Variants in CCDC88A observed in about 807,000 individuals in gnomAD.
The protein encoded by CCDC88A is girdin.
In CCDC88A, 54 loss-of-function variants were observed where a neutral mutation model predicts 234.3. The ratio of observed to expected loss-of-function variants is 0.23; its 90% CI spans 0.19 to 0.29. The LOEUF (loss-of-function observed/expected upper bound fraction) is 0.29, where lower values mean the gene tolerates loss of function less well. CCDC88A is among the 10% of genes least tolerant of loss of function. The probability of loss-of-function intolerance (pLI) is 1.00; values close to 1 mark genes in which losing one functional copy is unlikely to be tolerated. For synonymous variants in CCDC88A, 753 were observed against 737.8 expected, an observed-to-expected ratio of 1.02 and a Z score of -0.33; for missense variants, 1,832 against 2,123.4, an observed-to-expected ratio of 0.86 and a Z score of 2.70.
At chr2:55,413,941 G>A in intron 2 of CCDC88A, among the ~76,000 whole-genome samples, 1 of 146,110 alleles carries the variant, frequency 6.8e-6, no homozygotes. Context: ...AACAGAACAA[G>A]ACCGTCTCAA....
At chr2:55,398,776 G>A (rs1021120390) in intron 2 of CCDC88A, among the ~76,000 whole-genome samples, 10 of 151,980 alleles carry the variant, frequency 6.6e-5, no homozygotes, top group Non-Finnish European at 1.5e-4. Context: ...GAGGCAGGAA[G>A]ATTGCTTGAG....
intron 10 of CCDC88A, among the ~76,000 whole-genome samples, chr2:55,344,748 C>T (rs948938703): frequency 6.6e-5 from 10 of 152,034 alleles, no homozygotes; most frequent in African/African-American, 9.7e-5. Flanking sequence ...ATTAAATTGT[C>T]GGGGTATATT....
At chr2:55,291,833 G>A in intron 31 of CCDC88A, 58 bp from the exon 32 acceptor site, 1 of 1,351,698 alleles carries the variant, frequency 7.4e-7, no homozygotes, top group South Asian at 1.2e-5. Context: ...ATACAATTCA[G>A]AAGATAAGAA....
At chr2:55,392,749 C>T (rs1159260099) in intron 2 of CCDC88A, among the ~76,000 whole-genome samples, 1 of 152,172 alleles carries the variant, frequency 6.6e-6, no homozygotes, top group Non-Finnish European at 1.5e-5. Context: ...TGTAGCTTTT[C>T]CATACTGATA....
chr2:55,384,696 G>A (rs1299117543), intron 3 of CCDC88A, among the ~76,000 whole-genome samples: 7 of 144,500 alleles, frequency 4.8e-5, no homozygotes, highest in Admixed American at 2.1e-4. Context: ...TCGCTCTGTC[G>A]CCCAGGCTGG....
At position 55,343,320 on chromosome 2, in the gene CCDC88A, G is replaced by A. The variant is rs769208319; in HGVS notation, c.1333+328C>T. 1.4e-3 allele frequency among the ~76,000 whole-genome samples: 210 copies of A among 151,908 alleles called. 1 individual carries two copies. The highest frequency in any genetic ancestry group is 2.3e-3 in the Non-Finnish European group (159 of 67,934). ...CAAAGAACATGCTGACCACTAATAC[G>A]ACTTTTCTGTTCTATTTATTAGATG... On this transcript the variant is annotated intron_variant, in intron 12 of 32. Coordinates refer to ENST00000436346, the MANE Select transcript of CCDC88A (RefSeq NM_001365480.1).
At chr2:55,358,641 C>T (rs1229665861) in intron 7 of CCDC88A, among the ~76,000 whole-genome samples, 4 of 152,112 alleles carry the variant, frequency 2.6e-5, no homozygotes, top group Non-Finnish European at 5.9e-5. Context: ...AACAAAACCA[C>T]GTGGGATTAA....
At chr2:55,321,163 G>GA (rs1224237530) in intron 18 of CCDC88A, 3 of 149,784 alleles carry the variant, frequency 2.0e-5, no homozygotes, top group Non-Finnish European at 3.0e-5. Flanking sequence ...AAGACTAGTA[G>GA]AAAAAATCAA....
In CCDC88A at chr2:55,309,385, A is replaced by G. The variant is rs1682031851; in HGVS notation, c.4080-131T>C. 2 of 462,444 alleles carry G rather than the reference A, an allele frequency of 4.3e-6. No individual in the cohort carries two copies. Among genetic ancestry groups the G allele is most frequent in the Admixed American group, 3.9e-5 (1 of 25,584 alleles). The allele number at this position is 462,444 out of a possible 1,614,324, so 28.6% of individuals were successfully genotyped here. ...AATACAGATACCATGGTTGGCAACTAAGATTTCATCAGGTAGTTAACAATG... is the reference window on the plus strand; with the variant it reads ...AATACAGATACCATGGTTGGCAACTGAGATTTCATCAGGTAGTTAACAATG... On this transcript the variant is annotated intron_variant, in intron 23 of 32. Coordinates refer to ENST00000436346, the MANE Select transcript of CCDC88A (RefSeq NM_001365480.1). This position sits in a 1 kb window ranked among gnomAD's most constrained non-coding sequence, Gnocchi z 5.1.
At chr2:55,366,517 ACT>A (rs929557099) in intron 5 of CCDC88A, among the ~76,000 whole-genome samples, 1 of 144,288 alleles carries the variant, frequency 6.9e-6, no homozygotes, top group Non-Finnish European at 1.5e-5. Context: ...ACAGAGCAAG[ACT>A]CTGTCACACA....
intron 2 of CCDC88A, among the ~76,000 whole-genome samples, chr2:55,395,451 C>T (rs1374050786): frequency 6.6e-6 from 1 of 152,160 alleles, no homozygotes; most frequent in Non-Finnish European, 1.5e-5. Context: ...ACAGGTCTTC[C>T]AATACTTGGT....
intron 18 of CCDC88A, among the ~76,000 whole-genome samples, chr2:55,319,749 T>A (rs1263132862): frequency 6.6e-6 from 1 of 152,200 alleles, no homozygotes; most frequent in Non-Finnish European, 1.5e-5. Flanking sequence ...TATTATATTT[T>A]AAAATACTTG....
At chr2:55,371,814 T>C (rs1484957805) in intron 5 of CCDC88A, among the ~76,000 whole-genome samples, 2 of 152,116 alleles carry the variant, frequency 1.3e-5, no homozygotes, top group Non-Finnish European at 2.9e-5. Context: ...AGTACCTTCT[T>C]TGACTTTCGC....
intron 2 of CCDC88A, chr2:55,417,127 T>C (rs915280964): frequency 6.6e-6 from 1 of 152,034 alleles, no homozygotes; most frequent in Non-Finnish European, 1.5e-5. Flanking sequence ...AGCATAAAAC[T>C]GCATTTGAAG....
chr2:55,417,895 C>T (rs1681744258), intron 2 of CCDC88A: 1 of 151,892 alleles, frequency 6.6e-6, no homozygotes, highest in African/African-American at 2.4e-5. Context: ...TCCAAACTAC[C>T]TCTTCTCATC....
intron 2 of CCDC88A, among the ~76,000 whole-genome samples, chr2:55,416,482 A>G (rs1288721173): frequency 2.7e-4 from 32 of 118,606 alleles, no homozygotes; most frequent in Non-Finnish European, 4.9e-4. Context: ...ATATATATAT[A>G]TATATGTATA....
intron 29 of CCDC88A, among the ~76,000 whole-genome samples, chr2:55,298,766 G>T (rs375590416): frequency 6.6e-5 from 10 of 150,954 alleles, no homozygotes; most frequent in African/African-American, 1.2e-4. Flanking sequence ...TCCCAGTTAC[G>T]TGGGAGGCTG....
At position 55,336,725 on chromosome 2, in the gene CCDC88A, G is replaced by T; in HGVS notation, c.1612C>A (p.Leu538Ile). The T allele has an allele frequency of 6.3e-7, 1 of 1,597,228 alleles. No individual in the cohort carries two copies. Residue 538 changes from leucine (L) to isoleucine (I), a missense_variant, in exon 14 of 33, where the codon CTT (leucine) becomes ATT (isoleucine). Leu to Ile is a conservative substitution (Grantham distance 5). This residue lies in a region of CCDC88A where 1,282 missense variants were observed against 1,543.6 expected (regional missense o/e 0.83). Transcript: ENST00000436346. Reference sequence around the variant, plus strand: ...CTCAGTGTTTCTATTGTTTTTTCAAGCTGAGCTTTCTCCTTCATTAGATCC... The same window carrying T: ...CTCAGTGTTTCTATTGTTTTTTCAATCTGAGCTTTCTCCTTCATTAGATCC... ...SKDLMKEKAQ[L>I]EKTIETLREN...
intron 2 of CCDC88A, among the ~76,000 whole-genome samples, chr2:55,401,470 A>ATGTG (rs1553436316): frequency 0.13 from 4,229 of 31,510 alleles, 1,290 homozygotes; most frequent in African/African-American, 0.33. Context: ...ATATATACAT[A>ATGTG]TGTGTGTGTA....
Sources: allele counts gnomAD v4.1 joint callset (sites outside exome capture counted in the v4.1 genomes callset), GRCh38; gene constraint gnomAD v4.1.1; regional missense constraint gnomAD v4.1.1; non-coding constraint Gnocchi (gnomAD v3.1); transcripts MANE v1.5; gene names NCBI Gene and HGNC (gene_info 2026-07-23, HGNC 2026-07-21).